CADM2: variants seen among roughly 807,000 people sequenced by gnomAD.
The protein encoded by CADM2 is cell adhesion molecule 2.
A neutral mutation model predicts 49.8 loss-of-function variants in CADM2; 12 were observed. The ratio of observed to expected loss-of-function variants is 0.24; its 90% CI spans 0.15 to 0.39. The LOEUF (loss-of-function observed/expected upper bound fraction) is 0.39. CADM2 is among the 10% of genes least tolerant of loss of function. The probability of loss-of-function intolerance (pLI) is 1.00; values close to 1 mark genes in which losing one functional copy is unlikely to be tolerated. For synonymous variants in CADM2, 214 were observed against 175.4 expected, an observed-to-expected ratio of 1.22 and a Z score of -1.74; for missense variants, 378 against 492.3, an observed-to-expected ratio of 0.77 and a Z score of 2.20.
chr3:86,020,082 AC>A (rs1732920399), intron 8 of CADM2, among the ~76,000 whole-genome samples: 1 of 152,182 alleles, frequency 6.6e-6, no homozygotes, highest in Non-Finnish European at 1.5e-5. Context: ...AAATTGATGG[AC>A]CGCTAGCAAG....
intron 1 of CADM2, among the ~76,000 whole-genome samples, chr3:85,544,596 T>G (rs1332032925): frequency 6.6e-6 from 1 of 150,834 alleles, no homozygotes; most frequent in South Asian, 2.1e-4. Context: ...AAATAAAAAA[T>G]AAAAAAAAGA....
intron 1 of CADM2, among the ~76,000 whole-genome samples, chr3:85,068,854 T>G (rs2107466684): frequency 6.6e-6 from 1 of 152,232 alleles, no homozygotes; most frequent in Admixed American, 6.5e-5. Context: ...ACTAACTTAG[T>G]ATACCACATC....
chr3:85,465,430 G>C (rs1051651495), intron 1 of CADM2, among the ~76,000 whole-genome samples: 2 of 151,972 alleles, frequency 1.3e-5, no homozygotes, highest in African/African-American at 4.8e-5. Context: ...AATTTAAAAA[G>C]TCAACGAACA....
chr3:85,964,078 C>T (rs903002757), intron 8 of CADM2, among the ~76,000 whole-genome samples: 3 of 151,724 alleles, frequency 2.0e-5, no homozygotes, highest in African/African-American at 7.3e-5. Flanking sequence ...TTTCATTAGT[C>T]ACTAGTTGTA....
At chr3:85,383,305 A>G (rs1408106192) in intron 1 of CADM2, among the ~76,000 whole-genome samples, 2 of 152,032 alleles carry the variant, frequency 1.3e-5, no homozygotes, top group South Asian at 2.1e-4. Flanking sequence ...GTCTTGCTCA[A>G]TTAAACTCTG....
intron 1 of CADM2, among the ~76,000 whole-genome samples, chr3:85,358,240 A>G (rs983643557): frequency 3.9e-5 from 6 of 152,004 alleles, no homozygotes; most frequent in Admixed American, 3.3e-4. Context: ...GACATGCCCA[A>G]ATGTCCCCTG....
intron 1 of CADM2, among the ~76,000 whole-genome samples, chr3:85,092,551 G>A (rs1304294005): frequency 6.6e-6 from 1 of 152,160 alleles, no homozygotes; most frequent in South Asian, 2.1e-4. Flanking sequence ...ATGAATAAAT[G>A]TAAGAATCAT....
At chr3:85,859,765 T>C (rs1244480384) in intron 3 of CADM2, among the ~76,000 whole-genome samples, 1 of 152,188 alleles carries the variant, frequency 6.6e-6, no homozygotes, top group African/African-American at 2.4e-5. Context: ...CCTTAAAACA[T>C]TTCCTTTGTT....
At chr3:85,545,663 G>A (rs1259968497) in intron 1 of CADM2, among the ~76,000 whole-genome samples, 3 of 152,096 alleles carry the variant, frequency 2.0e-5, no homozygotes, top group Non-Finnish European at 4.4e-5. Flanking sequence ...TGTGTTTGAT[G>A]CATCCAATAT....
At chr3:85,347,502 A>AAT in intron 1 of CADM2, among the ~76,000 whole-genome samples, 1 of 146,196 alleles carries the variant, frequency 6.8e-6, no homozygotes, top group African/African-American at 2.5e-5. Context: ...TATATATATA[A>AAT]ATATATATAC....
chr3:85,515,510 G>T lies in CADM2; in HGVS notation c.62-211012G>T, dbSNP rs1421188295. 2.0e-5 allele frequency among the ~76,000 whole-genome samples: 3 copies of T among 147,622 alleles called. No individual in the cohort carries two copies. The East Asian group carries it at 5.9e-4, about 29-fold the overall frequency. On this transcript the variant is annotated intron_variant, in intron 1 of 9. Transcript: ENST00000383699. ...ATGATCTCGGCTCACAACAACCTCT[G>T]CCCCCGGGTTCAAGCGATTCTCCTG...
At chr3:85,299,721 G>T (rs1185760590) in intron 1 of CADM2, among the ~76,000 whole-genome samples, 1 of 151,894 alleles carries the variant, frequency 6.6e-6, no homozygotes, top group Non-Finnish European at 1.5e-5. Flanking sequence ...GCAATTCACT[G>T]ATTTTTCTCT....
At chr3:85,428,936 G>T (rs2036545854) in intron 1 of CADM2, among the ~76,000 whole-genome samples, 1 of 151,534 alleles carries the variant, frequency 6.6e-6, no homozygotes, top group African/African-American at 2.4e-5. Context: ...TCATTTTCAG[G>T]GCCACTAATA....
At chr3:85,642,197 C>A (rs2064740973) in intron 1 of CADM2, among the ~76,000 whole-genome samples, 1 of 152,120 alleles carries the variant, frequency 6.6e-6, no homozygotes, top group African/African-American at 2.4e-5. Context: ...AATACTGCTA[C>A]CCAGTTTTGA....
At chr3:85,738,586 A>C (rs77035656) in intron 2 of CADM2, among the ~76,000 whole-genome samples, 4,087 of 152,262 alleles carry the variant, frequency 0.027, 200 homozygotes, top group East Asian at 0.2. Context: ...TTAGAGCAAA[A>C]TATGTGTTTA....
chr3:85,304,009 A>T (rs1175605579), intron 1 of CADM2, among the ~76,000 whole-genome samples: 2 of 151,940 alleles, frequency 1.3e-5, no homozygotes, highest in African/African-American at 4.8e-5. Flanking sequence ...AGTCTTAGAG[A>T]TACAGACTTT....
intron 1 of CADM2, among the ~76,000 whole-genome samples, chr3:85,409,631 C>T (rs2035566245): frequency 6.6e-6 from 1 of 152,018 alleles, no homozygotes; most frequent in South Asian, 2.1e-4. Context: ...TGAAAGCGTA[C>T]TGGAGGAGGA....
intron 1 of CADM2, among the ~76,000 whole-genome samples, chr3:85,255,229 G>A (rs113999814): frequency 0.028 from 4,203 of 151,972 alleles, 175 homozygotes; most frequent in African/African-American, 0.095. Flanking sequence ...ATTTAGCATG[G>A]CATTTATAAT....
intron 1 of CADM2, among the ~76,000 whole-genome samples, chr3:85,548,965 G>A (rs1469301064): frequency 3.3e-5 from 5 of 152,168 alleles, no homozygotes; most frequent in African/African-American, 9.7e-5. Context: ...GATACTGAAT[G>A]CTTAAGTTTG....
Sources: allele counts gnomAD v4.1 joint callset (sites outside exome capture counted in the v4.1 genomes callset), GRCh38; gene constraint gnomAD v4.1.1; transcripts MANE v1.5; gene names NCBI Gene and HGNC (gene_info 2026-07-23, HGNC 2026-07-21).